MAPK14: variants seen among roughly 807,000 people sequenced by gnomAD.
MAPK14 encodes the protein mitogen-activated protein kinase 14, also known as CSAID-binding protein.
A neutral mutation model predicts 49.6 loss-of-function variants in MAPK14; 16 were observed. That is an observed-to-expected ratio of 0.32 (90% CI 0.22 to 0.49). The LOEUF is 0.49. MAPK14 is among the 20% of genes least tolerant of loss of function. The pLI is 0.99. For missense variants in MAPK14, 200 were observed against 441.2 expected (o/e 0.45, Z 4.90); for synonymous variants, 142 against 158.0 (o/e 0.90, Z 0.76).
rs1026652762 is a variant in MAPK14, at chr6:36,102,808, A to G, written c.841+159A>G. Reference sequence around the variant, plus strand: ...TTTTATTATCTATTTGTGTTGTCAGATTTTTTTTTAATCACATGAGATGAT... The same window carrying G: ...TTTTATTATCTATTTGTGTTGTCAGGTTTTTTTTTAATCACATGAGATGAT... On this transcript the variant is annotated intron_variant, in intron 10 of 11. Coordinates refer to ENST00000229794, the MANE Select transcript of MAPK14 (RefSeq NM_139012.3). 3.9e-6 allele frequency: 5 copies of G among 1,287,470 alleles called. No individual in the cohort carries two copies. In the East Asian group the frequency reaches 1.3e-4, roughly 34 times the overall value. 79.8% of individuals were successfully genotyped at this position (1,287,470 alleles called of 1,614,324 possible).
Position 36,102,523 on chromosome 6 carries a change from C to T in MAPK14, c.763-48C>T, listed in dbSNP as rs1218676096. 4.4e-6 allele frequency: 6 copies of T among 1,351,036 alleles called. No individual in the cohort carries two copies. In the South Asian group the frequency reaches 5.9e-5, roughly 13 times the overall value. 83.7% of individuals were successfully genotyped at this position (1,351,036 alleles called of 1,614,324 possible). A position where few individuals can be genotyped will look rare whatever the true frequency, so the allele number is the denominator to read the frequency against. ...AGGACCAAGATTCTTTCTTTGAGAGCAGTAACATTATTGAACAAAGTCATT... is the reference window on the plus strand; with the variant it reads ...AGGACCAAGATTCTTTCTTTGAGAGTAGTAACATTATTGAACAAAGTCATT... On this transcript the variant is annotated intron_variant, in intron 9 of 11. Coordinates refer to ENST00000229794, the MANE Select transcript of MAPK14 (RefSeq NM_139012.3).
At chr6:36,075,660 A>G (rs1004974016) in intron 6 of MAPK14, among the ~76,000 whole-genome samples, 188 bp from the exon 7 acceptor site, 71 of 152,186 alleles carry the variant, frequency 4.7e-4, no homozygotes, top group African/African-American at 1.6e-3. Context: ...TTGTAATTTC[A>G]TTTTAAGTTC....
At chr6:36,103,313 TTTA>T (rs1414719405) in intron 10 of MAPK14, among the ~76,000 whole-genome samples, 1 of 146,020 alleles carries the variant, frequency 6.8e-6, no homozygotes, top group Non-Finnish European at 1.5e-5. Flanking sequence ...AAGGAGTTGC[TTTA>T]TTATTATTAT....
At chr6:36,066,694 G>A (rs923609190) in intron 3 of MAPK14, among the ~76,000 whole-genome samples, 1 of 151,950 alleles carries the variant, frequency 6.6e-6, no homozygotes, top group African/African-American at 2.4e-5. Flanking sequence ...AATAACTATT[G>A]ATACTTCTTT....
At chr6:36,121,490 G>A in the MAPK14 span, among the ~76,000 whole-genome samples, 1 of 152,140 alleles carries the variant, frequency 6.6e-6, no homozygotes, top group Non-Finnish European at 1.5e-5. Context: ...GGGCAGCCCT[G>A]GGCAAGTGTG....
At chr6:36,079,640 T>G (rs910970630) in intron 8 of MAPK14, among the ~76,000 whole-genome samples, 4 of 152,214 alleles carry the variant, frequency 2.6e-5, no homozygotes, top group African/African-American at 9.6e-5. Context: ...ATTGTTTGAG[T>G]GTCCAGTTTT....
chr6:36,058,041 A>G (rs1313620834), intron 2 of MAPK14, among the ~76,000 whole-genome samples: 2 of 152,222 alleles, frequency 1.3e-5, no homozygotes, highest in Admixed American at 1.3e-4. Context: ...TGGATAAATC[A>G]GTATAAATTC....
intron 3 of MAPK14, among the ~76,000 whole-genome samples, chr6:36,066,525 G>C (rs1581778868): frequency 6.6e-6 from 1 of 151,858 alleles, no homozygotes; most frequent in Non-Finnish European, 1.5e-5. Flanking sequence ...TATTAGAGAA[G>C]CTTAGTGGAG....
the MAPK14 span, among the ~76,000 whole-genome samples, chr6:36,117,436 C>T: frequency 1.3e-5 from 2 of 152,200 alleles, no homozygotes; most frequent in African/African-American, 4.8e-5. Flanking sequence ...CTAATGTATT[C>T]GTTCTTCTGT....
At chr6:36,056,714 C>T (rs1207890653) in intron 2 of MAPK14, among the ~76,000 whole-genome samples, 2 of 152,186 alleles carry the variant, frequency 1.3e-5, no homozygotes, top group East Asian at 1.9e-4. Flanking sequence ...TTTTCACAAT[C>T]ACAATGGAAA....
intron 8 of MAPK14, among the ~76,000 whole-genome samples, chr6:36,093,009 C>A (rs1765299009): frequency 6.6e-6 from 1 of 151,788 alleles, no homozygotes; most frequent in Non-Finnish European, 1.5e-5. Flanking sequence ...TATAGATAAG[C>A]TATTGAAAAA....
chr6:36,111,357 T>C (rs1765968877), downstream of MAPK14: 1 of 152,206 alleles, frequency 6.6e-6, no homozygotes. Flanking sequence ...TCTGGCCCTT[T>C]AGAGAAGTCT....
chr6:36,073,214 A>G, intron 4 of MAPK14: 1 of 521,650 alleles, frequency 1.9e-6, no homozygotes, highest in South Asian at 2.1e-5. Context: ...GATTATTTTA[A>G]AGCAAGTCTA....
intron 8 of MAPK14, among the ~76,000 whole-genome samples, chr6:36,095,150 C>A (rs1442101080): frequency 6.6e-6 from 1 of 152,192 alleles, no homozygotes; most frequent in East Asian, 1.9e-4. Flanking sequence ...TTTTTGTCTT[C>A]TGGTTAACAC....
intron 1 of MAPK14, among the ~76,000 whole-genome samples, chr6:36,048,430 G>C (rs890729722): frequency 6.6e-6 from 1 of 152,202 alleles, no homozygotes; most frequent in African/African-American, 2.4e-5. Context: ...TCCTGCCCTG[G>C]CCTCCCAAAG....
At chr6:36,108,346 C>T (rs775649804) in intron 11 of MAPK14, 34 bp from the exon 12 acceptor site, 2 of 1,528,184 alleles carry the variant, frequency 1.3e-6, no homozygotes, top group Non-Finnish European at 1.8e-6. Context: ...ATAGCCTAAA[C>T]TCTCACATCT....
At chr6:36,088,644 C>T (rs903474647) in intron 8 of MAPK14, among the ~76,000 whole-genome samples, 1 of 151,828 alleles carries the variant, frequency 6.6e-6, no homozygotes, top group Non-Finnish European at 1.5e-5. Flanking sequence ...ATGACGTGAA[C>T]CCAGGAGGCG....
intron 2 of MAPK14, among the ~76,000 whole-genome samples, chr6:36,054,392 C>G (rs1763513629): frequency 6.6e-6 from 1 of 152,122 alleles, no homozygotes; most frequent in Non-Finnish European, 1.5e-5. Flanking sequence ...GATTGTTTTG[C>G]TTTTCTTCAT....
chr6:36,029,521 A>G (rs181619374), intron 1 of MAPK14, among the ~76,000 whole-genome samples: 2 of 152,306 alleles, frequency 1.3e-5, no homozygotes, highest in East Asian at 3.9e-4. Context: ...GTGTTTTAGT[A>G]ATTCGTATTG....
Sources: gnomAD v4.1 joint callset for allele counts (sites outside exome capture counted in the v4.1 genomes callset) on GRCh38, gnomAD v4.1.1 for gene constraint, MANE v1.5 for transcripts, NCBI Gene and HGNC (gene_info 2026-07-23, HGNC 2026-07-21) for gene names.